Variants in DCTN5 observed in about 807,000 individuals in gnomAD.
The protein encoded by DCTN5 is dynactin subunit 5, also known as dynactin 4.
Under a neutral mutation model 23.5 loss-of-function variants are expected in DCTN5, and 14 were observed. The observed-to-expected ratio is 0.60, with a 90% CI of 0.39 to 0.93. The LOEUF (loss-of-function observed/expected upper bound fraction) is 0.93. DCTN5 is among the 40% of genes least tolerant of loss of function. DCTN5 has a pLI of 0.00. For synonymous variants in DCTN5, 67 were observed against 79.6 expected (o/e 0.84, Z 0.84); for missense variants, 156 against 225.9 (o/e 0.69, Z 1.98).
At chr16:23,645,979 CTA>C (rs1165132201) in intron 2 of DCTN5, among the ~76,000 whole-genome samples, 1 of 152,114 alleles carries the variant, frequency 6.6e-6, no homozygotes, top group Admixed American at 6.6e-5. Flanking sequence ...AATGGTGAGT[CTA>C]TGTTTAACTT....
rs1348277746 is a variant in DCTN5 at position 23,670,640 on chromosome 16, A to G, written c.*3496A>G. ...GCTGGTCTCCTGGGGGTTAGCTTCC[A>G]TGGAGCTGCAAGTCCCCTGAAATGA... On this transcript the variant is annotated 3_prime_UTR_variant, in exon 6 of 6. Transcript: ENST00000300087. The G allele has an allele frequency of 6.6e-6, 1 of 152,194 alleles. No homozygotes were observed. The highest frequency in any genetic ancestry group is 1.5e-5 in the Non-Finnish European group (1 of 68,042). The allele number at this position is 152,194 out of a possible 1,614,324, so 9.4% of individuals were successfully genotyped here. A position where few individuals can be genotyped will look rare whatever the true frequency, so the allele number is the denominator to read the frequency against.
chr16:23,661,168 AG>A lies in DCTN5; in HGVS notation c.237-1del. The A allele has an allele frequency of 5.0e-6, 8 of 1,602,650 alleles. No individual in the cohort carries two copies. The highest frequency in any genetic ancestry group is 6.8e-6 in the Non-Finnish European group (8 of 1,170,976). ...TGTGTTCATCTTCTTTTCCTCTTCTAGTGTTGCATTCTTTCCTTTACATATT... is the reference window on the plus strand; with the variant it reads ...TGTGTTCATCTTCTTTTCCTCTTCTATGTTGCATTCTTTCCTTTACATATT... On this transcript the variant is annotated splice_acceptor_variant, in intron 3 of 5. Coordinates refer to ENST00000300087, the MANE Select transcript of DCTN5 (RefSeq NM_032486.4). LOFTEE classifies it high-confidence loss of function.
chr16:23,656,604 G>A (rs1449393366), intron 2 of DCTN5, among the ~76,000 whole-genome samples: 2 of 151,998 alleles, frequency 1.3e-5, no homozygotes, highest in Non-Finnish European at 2.9e-5. Flanking sequence ...CTTGAAATTG[G>A]TCATTAAATC....
At chr16:23,649,470 A>T (rs1182966101) in intron 2 of DCTN5, among the ~76,000 whole-genome samples, 2 of 152,094 alleles carry the variant, frequency 1.3e-5, no homozygotes, top group Non-Finnish European at 2.9e-5. Context: ...CTTTTCCAAG[A>T]CCAGTGTCTT....
rs1968075103 is a variant in DCTN5, at chr16:23,675,659, A to T, written c.*8515A>T. On this transcript the variant is annotated 3_prime_UTR_variant, in exon 6 of 6. Transcript: ENST00000300087. The stretch of plus-strand genomic sequence containing the variant: ...GACTGTTTTTGTAATATTGGAGAAA[A>T]TAATTAAAGCCTGGCACCTGGGGAG... 6.6e-6 allele frequency: 1 copy of T among 152,204 alleles called. No individual in the cohort carries two copies. The highest frequency in any genetic ancestry group is 1.5e-5 in the Non-Finnish European group (1 of 68,028). 9.4% of individuals were successfully genotyped at this position (152,204 alleles called of 1,614,324 possible).
At chr16:23,648,654 T>G (rs1013413421) in intron 2 of DCTN5, among the ~76,000 whole-genome samples, 1 of 151,644 alleles carries the variant, frequency 6.6e-6, no homozygotes, top group African/African-American at 2.4e-5. Context: ...CTGGCCCTAT[T>G]TGTAGTTTTT....
chr16:23,650,728 A>G (rs1967586087), intron 2 of DCTN5: 2 of 1,531,604 alleles, frequency 1.3e-6, no homozygotes, highest in Non-Finnish European at 1.7e-6. Flanking sequence ...TGAACAATCC[A>G]TTTATATTTC....
chr16:23,644,523 A>G (rs1476453555), intron 2 of DCTN5, among the ~76,000 whole-genome samples: 1 of 151,474 alleles, frequency 6.6e-6, no homozygotes, highest in Admixed American at 6.6e-5. Context: ...GATGGTCTCA[A>G]TCTCCTGACC....
At chr16:23,662,852 A>G (rs1967839521) in intron 4 of DCTN5, among the ~76,000 whole-genome samples, 2 of 152,216 alleles carry the variant, frequency 1.3e-5, no homozygotes, top group African/African-American at 4.8e-5. Context: ...TCAGAGCGAA[A>G]TGTCTGAAAG....
At chr16:23,658,432 A>G (rs1051621668) in intron 2 of DCTN5, 75 bp from the exon 3 acceptor site, 2 of 917,010 alleles carry the variant, frequency 2.2e-6, no homozygotes, top group Admixed American at 1.8e-5. Flanking sequence ...CAGAATCAGT[A>G]TCTCGTTATC....
At chr16:23,660,167 C>G (rs866469994) in intron 3 of DCTN5, among the ~76,000 whole-genome samples, 3 of 152,238 alleles carry the variant, frequency 2.0e-5, no homozygotes, top group Middle Eastern at 3.4e-3. Flanking sequence ...TGCATTGCTG[C>G]ACAAGAGGTA....
At chr16:23,662,315 G>A (rs939065493) in intron 4 of DCTN5, among the ~76,000 whole-genome samples, 12 of 152,118 alleles carry the variant, frequency 7.9e-5, no homozygotes, top group South Asian at 2.1e-4. Context: ...GTAATTCAGG[G>A]TGCAAGCGGG....
chr16:23,667,003 G>A (rs747367045), intron 5 of DCTN5, 44 bp from the exon 6 acceptor site: 3 of 1,611,698 alleles, frequency 1.9e-6, no homozygotes, highest in South Asian at 2.2e-5. Context: ...TTAACTTCTT[G>A]TAACTTCTTC....
In DCTN5 at chr16:23,667,097, G is replaced by T; in HGVS notation, c.502G>T (p.Val168Phe). The T allele has an allele frequency of 6.2e-7, 1 of 1,613,292 alleles. No individual in the cohort carries two copies. Among genetic ancestry groups the T allele is most frequent in the South Asian group, 1.1e-5 (1 of 91,044 alleles). Residue 168 changes from valine to phenylalanine, a missense_variant, in exon 6 of 6, where the codon GTC becomes TTC. Physicochemically the swap from Val to Phe is conservative, Grantham distance 50. Around this residue, in one of 2 missense-constraint regions of DCTN5, gnomAD observed 3 missense variants for 19.0 expected, o/e 0.16. Coordinates refer to ENST00000300087, the MANE Select transcript of DCTN5 (RefSeq NM_032486.4). ...PECTQELMID[V>F]TKSYYQKFLP... ...GTGCACTCAGGAGCTGATGATTGAC[G>T]TCACCAAGAGCTACTACCAGAAGTT...
At chr16:23,643,316 C>G (rs1375750306) in intron 2 of DCTN5, among the ~76,000 whole-genome samples, 2 of 151,634 alleles carry the variant, frequency 1.3e-5, no homozygotes, top group Non-Finnish European at 1.5e-5. Flanking sequence ...CTCAGCCTCC[C>G]GAGTAGCTGG....
rs1158238827 is a variant in DCTN5 at position 23,652,831 on chromosome 16, TATAAAATTTATAAAG to T, written c.118-5671_118-5657del. On this transcript the variant is annotated intron_variant, in intron 2 of 5. Transcript: ENST00000300087. ...GGGGCACATGATAATTTAATACATT[TATAAAATTTATAAAG>T]ATAAGATTGGTTTTGGCTGGACGTG... 2.6e-5 allele frequency among the ~76,000 whole-genome samples: 4 copies of T among 152,338 alleles called. No homozygotes were observed. In the East Asian group the frequency reaches 7.7e-4, roughly 29 times the overall value.
At position 23,677,229 on chromosome 16, in the gene DCTN5, C is replaced by T. The variant is rs556555378; in HGVS notation, c.*10085C>T. The T allele has an allele frequency of 6.6e-6, 1 of 152,188 alleles. No individual in the cohort carries two copies. The highest frequency in any genetic ancestry group is 1.5e-5 in the Non-Finnish European group (1 of 68,036). 9.4% of individuals were successfully genotyped at this position (152,188 alleles called of 1,614,324 possible). Reference sequence around the variant, plus strand: ...CCATGAGTATGACTACAGGCTGAGTCTGTGAATCTCCTAGTACATCATCAG... The same window carrying T: ...CCATGAGTATGACTACAGGCTGAGTTTGTGAATCTCCTAGTACATCATCAG... On this transcript the variant is annotated 3_prime_UTR_variant, in exon 6 of 6. Transcript: ENST00000300087.
At chr16:23,666,044 G>A (rs568515109) in intron 5 of DCTN5, 33 of 263,530 alleles carry the variant, frequency 1.3e-4, no homozygotes, top group East Asian at 1.1e-3. Flanking sequence ...TACTCATGTC[G>A]GGATGGAAAT....
chr16:23,663,504 AG>A (rs906417377), intron 4 of DCTN5, among the ~76,000 whole-genome samples: 1 of 152,178 alleles, frequency 6.6e-6, no homozygotes, highest in African/African-American at 2.4e-5. Flanking sequence ...ACTTGAGGCC[AG>A]GAGTTTAAGA....
Sources: gnomAD v4.1 joint callset for allele counts (sites outside exome capture counted in the v4.1 genomes callset) on GRCh38, gnomAD v4.1.1 for gene constraint, gnomAD v4.1.1 regional missense constraint, MANE v1.5 for transcripts, NCBI Gene and HGNC (gene_info 2026-07-23, HGNC 2026-07-21) for gene names.